Variants in HTR1F observed in about 807,000 individuals in gnomAD.
The protein encoded by HTR1F is 5-hydroxytryptamine receptor 1F.
In HTR1F, 17 loss-of-function variants were observed where a neutral mutation model predicts 24.0. That is an observed-to-expected ratio of 0.71 (90% CI 0.48 to 1.06). The LOEUF is 1.06. Ranked by LOEUF, HTR1F falls within the 50% of genes least tolerant of loss-of-function variation. The pLI, the probability that HTR1F is intolerant of heterozygous loss-of-function variation, is 0.00. For missense variants in HTR1F, 391 were observed against 427.8 expected (o/e 0.91, Z 0.76); for synonymous variants, 186 against 156.8 (o/e 1.19, Z -1.39).
chr3:87,918,207 C>T (rs1314681468), intron 2 of HTR1F, among the ~76,000 whole-genome samples: 1 of 151,798 alleles, frequency 6.6e-6, no homozygotes, highest in African/African-American at 2.4e-5. Flanking sequence ...AATTGACATA[C>T]AAGGGACATA....
intron 2 of HTR1F, among the ~76,000 whole-genome samples, chr3:87,906,962 A>AT (rs1227552205): frequency 6.6e-6 from 1 of 151,960 alleles, no homozygotes; most frequent in African/African-American, 2.4e-5. Context: ...CTGCTTCCAT[A>AT]TTTTGCAATT....
At chr3:87,948,865 C>A (rs1576077990) in intron 2 of HTR1F, among the ~76,000 whole-genome samples, 1 of 152,106 alleles carries the variant, frequency 6.6e-6, no homozygotes, top group East Asian at 1.9e-4. Flanking sequence ...GTTTGTAGTA[C>A]CAATAGCCAT....
intron 2 of HTR1F, among the ~76,000 whole-genome samples, chr3:87,940,484 C>A (rs1256724176): frequency 1.3e-5 from 2 of 152,158 alleles, no homozygotes; most frequent in East Asian, 3.9e-4. Flanking sequence ...CAAATCCTTG[C>A]TCAAGGAAAT....
intron 2 of HTR1F, among the ~76,000 whole-genome samples, chr3:87,832,430 C>T (rs1183713425): frequency 6.6e-6 from 1 of 150,600 alleles, no homozygotes; most frequent in Non-Finnish European, 1.5e-5. Flanking sequence ...CGGGTTGAAG[C>T]AATTCTCTTG....
chr3:87,977,672 T>C (rs6804199), intron 2 of HTR1F, among the ~76,000 whole-genome samples: 1 of 151,434 alleles, frequency 6.6e-6, no homozygotes, highest in African/African-American at 2.4e-5. Flanking sequence ...CCGCCCACCT[T>C]GGCCTCCCAA....
At chr3:87,913,522 C>T (rs1209569760) in intron 2 of HTR1F, among the ~76,000 whole-genome samples, 1 of 152,126 alleles carries the variant, frequency 6.6e-6, no homozygotes, top group Non-Finnish European at 1.5e-5. Flanking sequence ...GACCATGTGG[C>T]AATTCCTCAA....
chr3:87,930,178 T>C (rs1007784474), intron 2 of HTR1F, among the ~76,000 whole-genome samples: 7 of 152,194 alleles, frequency 4.6e-5, no homozygotes, highest in African/African-American at 1.7e-4. Flanking sequence ...CTTAAGAAGC[T>C]TTTGGGCTTG....
intron 1 of HTR1F, among the ~76,000 whole-genome samples, chr3:87,819,881 T>C (rs1393085187): frequency 6.6e-6 from 1 of 152,050 alleles, no homozygotes; most frequent in Non-Finnish European, 1.5e-5. Context: ...ACTATTTAAG[T>C]ACAATGAGAA....
chr3:87,962,320 G>T (rs1240525620), intron 2 of HTR1F, among the ~76,000 whole-genome samples: 1 of 152,086 alleles, frequency 6.6e-6, no homozygotes, highest in Non-Finnish European at 1.5e-5. Flanking sequence ...AATAAAGATT[G>T]ACAGTGTGAA....
At chr3:87,834,032 A>T (rs1310402391) in intron 2 of HTR1F, among the ~76,000 whole-genome samples, 4 of 152,326 alleles carry the variant, frequency 2.6e-5, no homozygotes, top group African/African-American at 9.6e-5. Flanking sequence ...TTTGTGTTAT[A>T]CATGGCAAGA....
chr3:87,869,280 T>C (rs1202796145), intron 2 of HTR1F, among the ~76,000 whole-genome samples: 2 of 152,038 alleles, frequency 1.3e-5, no homozygotes, highest in Non-Finnish European at 2.9e-5. Flanking sequence ...CCTAGTTTAA[T>C]TATCATGAAC....
intron 2 of HTR1F, among the ~76,000 whole-genome samples, chr3:87,874,133 T>C (rs1246467607): frequency 6.6e-6 from 1 of 151,954 alleles, no homozygotes; most frequent in Non-Finnish European, 1.5e-5. Flanking sequence ...GCCAGAGCAA[T>C]TAGGCAAGAA....
At chr3:87,848,867 A>G (rs1392789072) in intron 2 of HTR1F, among the ~76,000 whole-genome samples, 1 of 151,700 alleles carries the variant, frequency 6.6e-6, no homozygotes, top group Non-Finnish European at 1.5e-5. Flanking sequence ...ATTGCTTCAA[A>G]GAGAATAAAA....
At chr3:87,941,204 G>A (rs1704559622) in intron 2 of HTR1F, among the ~76,000 whole-genome samples, 2 of 152,176 alleles carry the variant, frequency 1.3e-5, no homozygotes, top group East Asian at 1.9e-4. Context: ...AATGGGTATT[G>A]GCTTTCTGAG....
chr3:87,847,418 A>G (rs576426456), intron 2 of HTR1F, among the ~76,000 whole-genome samples: 3 of 151,976 alleles, frequency 2.0e-5, no homozygotes, highest in Non-Finnish European at 1.5e-5. Context: ...GATAGACAAT[A>G]TTTTACATAT....
chr3:87,863,921 C>T (rs185115253), intron 2 of HTR1F, among the ~76,000 whole-genome samples: 1 of 152,330 alleles, frequency 6.6e-6, no homozygotes, highest in Non-Finnish European at 1.5e-5. Context: ...GCATTCTTTT[C>T]TGAAGACCTT....
At chr3:87,949,987 G>C (rs1704797967) in intron 2 of HTR1F, among the ~76,000 whole-genome samples, 1 of 152,166 alleles carries the variant, frequency 6.6e-6, no homozygotes, top group South Asian at 2.1e-4. Flanking sequence ...TTCTGATGAG[G>C]GCTTTTGTGC....
chr3:87,989,358 G>T (rs1705765621), intron 2 of HTR1F, among the ~76,000 whole-genome samples: 3 of 152,282 alleles, frequency 2.0e-5, no homozygotes, highest in South Asian at 4.1e-4. Flanking sequence ...TTACTAGTAA[G>T]TTTCTTTGGT....
intron 2 of HTR1F, among the ~76,000 whole-genome samples, chr3:87,981,062 C>T (rs144717226): frequency 0.014 from 2,113 of 152,276 alleles, 20 homozygotes; most frequent in African/African-American, 0.021. Flanking sequence ...TCCCAGCTCC[C>T]GCCAGCTCCC....
Sources: allele counts gnomAD v4.1 joint callset (sites outside exome capture counted in the v4.1 genomes callset), GRCh38; gene constraint gnomAD v4.1.1; transcripts MANE v1.5; gene names NCBI Gene and HGNC (gene_info 2026-07-23, HGNC 2026-07-21).